The following ARHGAP20 variants were observed in gnomAD, a reference collection of about 807,000 sequenced individuals.
ARHGAP20 encodes the protein rho GTPase-activating protein 20.
In ARHGAP20, 34 loss-of-function variants were observed where a neutral mutation model predicts 73.7. That is an observed-to-expected ratio of 0.46 (90% CI 0.35 to 0.61). ARHGAP20 has a LOEUF of 0.61. Ranked by LOEUF, ARHGAP20 falls within the 20% of genes least tolerant of loss-of-function variation. The pLI, the probability that ARHGAP20 is intolerant of heterozygous loss-of-function variation, is 0.00. For synonymous variants in ARHGAP20, 523 were observed against 518.2 expected, an observed-to-expected ratio of 1.01 and a Z score of -0.13; for missense variants, 1,314 against 1,420.9, an observed-to-expected ratio of 0.92 and a Z score of 1.21.
chr11:110,703,062 G>A (rs1950487285), intron 1 of ARHGAP20, among the ~76,000 whole-genome samples: 1 of 152,100 alleles, frequency 6.6e-6, no homozygotes, highest in Admixed American at 6.6e-5. Flanking sequence ...TCTGGGTCAT[G>A]CTATCACAGC....
chr11:110,585,040 T>C (rs868260692), intron 12 of ARHGAP20, among the ~76,000 whole-genome samples: 306 of 145,806 alleles, frequency 2.1e-3, no homozygotes, highest in African/African-American at 7.2e-3. Flanking sequence ...TATATGTGAA[T>C]ATATATGAAT....
chr11:110,587,352 G>A (rs1312785839), intron 11 of ARHGAP20, among the ~76,000 whole-genome samples: 1 of 152,172 alleles, frequency 6.6e-6, no homozygotes, highest in African/African-American at 2.4e-5. Context: ...GCAATTTCAT[G>A]CTTGCAACAT....
rs1947406832 is a variant in ARHGAP20 at position 110,580,115 on chromosome 11, G to A, written c.2831C>T (p.Ser944Phe). 1 of 1,614,110 alleles carries A rather than the reference G, an allele frequency of 6.2e-7. No homozygotes were observed. Among genetic ancestry groups the A allele is most frequent in the African/African-American group, 1.3e-5 (1 of 74,936 alleles). The change falls in exon 15 of 15, where the codon TCC becomes TTC. Residue 944 changes from serine (S) to phenylalanine (F), a missense_variant. Physicochemically the swap from Ser to Phe is radical, Grantham distance 155. Coordinates refer to ENST00000683387, the MANE Select transcript of ARHGAP20 (RefSeq NM_001384657.1). ...GGAGCTTACTGATGAGCCGGATGGGGAAGTGCCTGGGGAGGATAAGCTGGA... is the reference window on the plus strand; with the variant it reads ...GGAGCTTACTGATGAGCCGGATGGGAAAGTGCCTGGGGAGGATAAGCTGGA... ...SYSSLSSPGT[S>F]PSGSSVSSQD...
At chr11:110,711,765 C>G (rs953939099) in intron 1 of ARHGAP20, 35 of 1,356,822 alleles carry the variant, frequency 2.6e-5, no homozygotes, top group Non-Finnish European at 2.8e-5. Context: ...TCGGGAGGCC[C>G]AGGGGCACGG....
intron 1 of ARHGAP20, among the ~76,000 whole-genome samples, chr11:110,692,581 T>G (rs780365846): frequency 2.6e-5 from 4 of 152,106 alleles, no homozygotes; most frequent in Non-Finnish European, 5.9e-5. Flanking sequence ...GATCCAAGAT[T>G]CTAAACTAGA....
chr11:110,638,203 A>T (rs971738174), intron 2 of ARHGAP20, among the ~76,000 whole-genome samples: 1 of 152,108 alleles, frequency 6.6e-6, no homozygotes, highest in Admixed American at 6.6e-5. Flanking sequence ...TGTTTCATGA[A>T]CAAAATTATA....
intron 9 of ARHGAP20, among the ~76,000 whole-genome samples, chr11:110,602,844 G>C (rs1948142137): frequency 6.6e-6 from 1 of 152,186 alleles, no homozygotes; most frequent in South Asian, 2.1e-4. Flanking sequence ...AGTGACTGAA[G>C]AATTAACCTT....
At chr11:110,595,730 A>G (rs11213493) in intron 9 of ARHGAP20, among the ~76,000 whole-genome samples, 23,974 of 152,214 alleles carry the variant, frequency 0.16, 2,439 homozygotes, top group East Asian at 0.31. Flanking sequence ...AAGGTAATTT[A>G]TAGATTCAAT....
upstream of ARHGAP20, chr11:110,712,491 C>T: frequency 6.3e-6 from 1 of 157,508 alleles, no homozygotes; most frequent in Non-Finnish European, 1.4e-5. Context: ...CCCGCCCCCT[C>T]CGCTCCGGGC....
Position 110,583,653 on chromosome 11 carries a change from T to G in ARHGAP20, c.1500A>C (p.Ser500=). The change falls in exon 13 of 15, where the codon TCA becomes TCC. Residue 500 remains serine (S), a synonymous_variant. Transcript: ENST00000683387. ...AATTAAATGCAGTCATCTGATTGGA[T>G]GAGGAATGTTGCTCAATGTTGTGTA... is the stretch of plus-strand genomic sequence containing the variant. ...GVLHNIEQHS[S]SNQMTAFNLA... is the part of the protein sequence containing the mutation. 1 of 1,613,174 alleles carries G rather than the reference T, an allele frequency of 6.2e-7. No homozygotes were observed. Among genetic ancestry groups the G allele is most frequent in the African/African-American group, 1.3e-5 (1 of 75,022 alleles).
chr11:110,606,692 G>A lies in ARHGAP20; in HGVS notation c.833C>T (p.Thr278Ile), dbSNP rs2134876532. Residue 278 changes from threonine to isoleucine, a missense_variant, in exon 9 of 15, where the codon ACA becomes ATA. By Grantham distance (89) the Thr-to-Ile change is moderately conservative. This residue lies in a region of ARHGAP20 where 443 missense variants were observed against 466.4 expected (regional missense o/e 0.95). Transcript: ENST00000683387. ...GGTGGTAGAGTCCTTTGATCCCGGT[G>A]TCAGGAGTGCAGAGTCTCGAAGATG... ...MSHLRDSALL[T>I]PGSKDSTTPF... 3 of 1,602,738 alleles carry A rather than the reference G, an allele frequency of 1.9e-6. No homozygotes were observed. Among genetic ancestry groups the A allele is most frequent in the Middle Eastern group, 3.4e-4 (2 of 5,946 alleles).
chr11:110,625,061 C>T (rs1299149267), intron 3 of ARHGAP20, among the ~76,000 whole-genome samples: 1 of 140,618 alleles, frequency 7.1e-6, no homozygotes, highest in Non-Finnish European at 1.5e-5. Flanking sequence ...GACGGAGTCT[C>T]GCTCTGTCGC....
At chr11:110,664,368 A>G (rs1412461990) in intron 2 of ARHGAP20, among the ~76,000 whole-genome samples, 1 of 152,150 alleles carries the variant, frequency 6.6e-6, no homozygotes, top group Non-Finnish European at 1.5e-5. Flanking sequence ...ATATACACAT[A>G]CACAAACACA....
At chr11:110,582,926 G>A (rs1379442249) in intron 13 of ARHGAP20, among the ~76,000 whole-genome samples, 2 of 152,160 alleles carry the variant, frequency 1.3e-5, no homozygotes, top group Admixed American at 1.3e-4. Flanking sequence ...GCCACCTTCT[G>A]ATAGGCTCCC....
chr11:110,702,074 T>C (rs1407668761), intron 1 of ARHGAP20, among the ~76,000 whole-genome samples: 1 of 152,044 alleles, frequency 6.6e-6, no homozygotes, highest in African/African-American at 2.4e-5. Flanking sequence ...GGGCTCTTTT[T>C]TGGTTCCATA....
chr11:110,597,844 A>C (rs1948009750), intron 9 of ARHGAP20, among the ~76,000 whole-genome samples: 1 of 152,208 alleles, frequency 6.6e-6, no homozygotes, highest in African/African-American at 2.4e-5. Context: ...CTGAGATAAA[A>C]AAATTTCATT....
At chr11:110,643,128 C>T (rs896648104) in intron 2 of ARHGAP20, among the ~76,000 whole-genome samples, 10 of 152,006 alleles carry the variant, frequency 6.6e-5, no homozygotes, top group African/African-American at 2.2e-4. Context: ...GTAACATCAC[C>T]TTTGTCATTT....
Position 110,579,215 on chromosome 11 carries a change from C to A in ARHGAP20, c.*155G>T. The A allele has an allele frequency of 7.5e-7, 1 of 1,334,598 alleles. No individual in the cohort carries two copies. The highest frequency in any genetic ancestry group is 9.6e-7 in the Non-Finnish European group (1 of 1,041,430). The allele number at this position is 1,334,598 out of a possible 1,614,324, so 82.7% of individuals were successfully genotyped here. A position where few individuals can be genotyped will look rare whatever the true frequency, so the allele number is the denominator to read the frequency against. On this transcript the variant is annotated 3_prime_UTR_variant, in exon 15 of 15. Coordinates refer to ENST00000683387, the MANE Select transcript of ARHGAP20 (RefSeq NM_001384657.1). ...TAGCATAAAGTATTTGTCAAGTAGT[C>A]TCAATAAAGAGAATTATTTCGTTGT...
chr11:110,661,264 T>C (rs573485139), intron 2 of ARHGAP20, among the ~76,000 whole-genome samples: 7 of 152,246 alleles, frequency 4.6e-5, no homozygotes, highest in African/African-American at 7.2e-5. Flanking sequence ...CATTTTTATA[T>C]AATAAATGAA....
Sources: allele counts gnomAD v4.1 joint callset (sites outside exome capture counted in the v4.1 genomes callset), GRCh38; gene constraint gnomAD v4.1.1; regional missense constraint gnomAD v4.1.1; transcripts MANE v1.5; gene names NCBI Gene and HGNC (gene_info 2026-07-23, HGNC 2026-07-21).